ANO3: variants seen among roughly 807,000 people sequenced by gnomAD.
The protein encoded by ANO3 is anoctamin-3.
ANO3 carries 99 observed loss-of-function variants against 144.8 expected under a neutral mutation model. The ratio of observed to expected loss-of-function variants is 0.68; its 90% CI spans 0.58 to 0.81. ANO3 has a LOEUF of 0.81. Ranked by LOEUF, ANO3 falls within the 30% of genes least tolerant of loss-of-function variation. The pLI is 0.00. For synonymous variants in ANO3, 414 were observed against 392.6 expected, an observed-to-expected ratio of 1.05 and a Z score of -0.64; for missense variants, 905 against 1,202.2, an observed-to-expected ratio of 0.75 and a Z score of 3.66.
At chr11:26,392,602 T>C (rs1031356215) in intron 1 of ANO3, among the ~76,000 whole-genome samples, 1 of 152,070 alleles carries the variant, frequency 6.6e-6, no homozygotes, top group Non-Finnish European at 1.5e-5. Flanking sequence ...CAGACACATT[T>C]AGGAGGCTGG....
intron 6 of ANO3, among the ~76,000 whole-genome samples, chr11:26,521,158 C>T (rs942063154): frequency 6.6e-6 from 1 of 152,074 alleles, no homozygotes; most frequent in Non-Finnish European, 1.5e-5. Context: ...AAATTATTTT[C>T]GTGATGGCCA....
Position 26,612,041 on chromosome 11 carries a change from AT to A in ANO3, c.1836+12333del, listed in dbSNP as rs1317143603. On this transcript the variant is annotated intron_variant, in intron 17 of 26. Coordinates refer to ENST00000256737, the MANE Select transcript of ANO3 (RefSeq NM_031418.4). ...TTGTAGACAGCATACAGTTGGATAT[AT>A]TTTTTAATCCATTTGGCTACTCAGT... 2.0e-5 allele frequency among the ~76,000 whole-genome samples: 3 copies of A among 152,046 alleles called. No homozygotes were observed. The East Asian group carries it at 5.8e-4, about 29-fold the overall frequency.
chr11:26,585,307 T>C (rs1205646898), intron 14 of ANO3, among the ~76,000 whole-genome samples: 1 of 152,230 alleles, frequency 6.6e-6, no homozygotes, highest in South Asian at 2.1e-4. Context: ...ATTATTTATA[T>C]ATCTAGATTT....
intron 1 of ANO3, among the ~76,000 whole-genome samples, chr11:26,321,202 C>A (rs1285781206): frequency 6.6e-6 from 1 of 151,950 alleles, no homozygotes; most frequent in African/African-American, 2.4e-5. Flanking sequence ...CCTACTTGAT[C>A]CCTCCCCAAT....
chr11:26,240,991 TC>T (rs1229622128), intron 1 of ANO3, among the ~76,000 whole-genome samples: 4 of 152,170 alleles, frequency 2.6e-5, no homozygotes, highest in Non-Finnish European at 5.9e-5. Flanking sequence ...CTCCCACAGT[TC>T]CCACGTGTCA....
upstream of ANO3, chr11:26,331,965 C>T (rs1237150257): frequency 1.8e-6 from 1 of 550,354 alleles, no homozygotes; most frequent in African/African-American, 1.9e-5. Context: ...CCAGTAAAGT[C>T]TTCTGCTCCC....
intron 1 of ANO3, among the ~76,000 whole-genome samples, chr11:26,279,345 G>A (rs10834941): frequency 0.18 from 26,993 of 152,004 alleles, 2,670 homozygotes; most frequent in African/African-American, 0.27. Flanking sequence ...ACAGATTTCT[G>A]CCTCTTTGAA....
At chr11:26,356,364 A>G (rs913932819) in intron 1 of ANO3, among the ~76,000 whole-genome samples, 14 of 152,098 alleles carry the variant, frequency 9.2e-5, no homozygotes, top group Admixed American at 6.5e-5. Context: ...CTCATCCCTA[A>G]AAGTTTCTTT....
chr11:26,189,522 GT>G (rs1851435660), intron 1 of ANO3, among the ~76,000 whole-genome samples: 1 of 152,134 alleles, frequency 6.6e-6, no homozygotes, highest in South Asian at 2.1e-4. Context: ...GAGGGCTGAA[GT>G]TTTTGTGCAT....
At chr11:26,338,951 C>A (rs575706920) in intron 1 of ANO3, among the ~76,000 whole-genome samples, 2 of 152,302 alleles carry the variant, frequency 1.3e-5, no homozygotes, top group East Asian at 3.9e-4. Flanking sequence ...GAATAAATTC[C>A]GGACACACCA....
At chr11:26,249,749 C>G (rs1852883704) in intron 1 of ANO3, among the ~76,000 whole-genome samples, 1 of 151,378 alleles carries the variant, frequency 6.6e-6, no homozygotes, top group Non-Finnish European at 1.5e-5. Context: ...GGGATTTGGT[C>G]TAAGCTAAAC....
chr11:26,634,070 A>G, intron 18 of ANO3, 134 bp from the exon 19 acceptor site: 1 of 465,684 alleles, frequency 2.1e-6, no homozygotes, highest in African/African-American at 2.3e-5. Flanking sequence ...AGAGAGTGAG[A>G]CTCCATTTCC....
At chr11:26,401,689 C>A (rs1184200668) in intron 1 of ANO3, among the ~76,000 whole-genome samples, 1 of 151,850 alleles carries the variant, frequency 6.6e-6, no homozygotes, top group African/African-American at 2.4e-5. Context: ...CCAGCCTGGC[C>A]AAAATGGTAA....
At chr11:26,263,994 T>A (rs1348253043) in intron 1 of ANO3, among the ~76,000 whole-genome samples, 1 of 152,224 alleles carries the variant, frequency 6.6e-6, no homozygotes, top group Non-Finnish European at 1.5e-5. Context: ...TTCCATGTAA[T>A]CACATTAGTT....
chr11:26,464,514 C>A (rs369610380), intron 4 of ANO3, among the ~76,000 whole-genome samples: 4 of 151,830 alleles, frequency 2.6e-5, no homozygotes, highest in African/African-American at 9.7e-5. Flanking sequence ...GTATTATCTG[C>A]TTTTCTAGAA....
intron 1 of ANO3, among the ~76,000 whole-genome samples, chr11:26,360,080 A>G (rs376269792): frequency 2.8e-4 from 43 of 152,024 alleles, no homozygotes; most frequent in Admixed American, 3.9e-4. Flanking sequence ...TGATTTATGA[A>G]TACAAAATCT....
chr11:26,376,400 A>G (rs560413420), intron 1 of ANO3, among the ~76,000 whole-genome samples: 2 of 152,288 alleles, frequency 1.3e-5, no homozygotes, highest in Admixed American at 6.5e-5. Context: ...TACATTTCAC[A>G]TTATATATAT....
chr11:26,250,534 C>T (rs545271475), intron 1 of ANO3, among the ~76,000 whole-genome samples: 87 of 152,198 alleles, frequency 5.7e-4, no homozygotes, highest in African/African-American at 2.0e-3. Context: ...CGATTTTATG[C>T]CAAAATTTCT....
chr11:26,581,357 A>G (rs415390), intron 14 of ANO3, among the ~76,000 whole-genome samples: 137,180 of 149,162 alleles, frequency 0.92, 63,437 homozygotes, highest in South Asian at 0.98. Flanking sequence ...ACATAAGTTT[A>G]GGATTAAATT....
Sources: gnomAD v4.1 joint callset for allele counts (sites outside exome capture counted in the v4.1 genomes callset) on GRCh38, gnomAD v4.1.1 for gene constraint, MANE v1.5 for transcripts, NCBI Gene and HGNC (gene_info 2026-07-23, HGNC 2026-07-21) for gene names.